UNC13C: variants seen among roughly 807,000 people sequenced by gnomAD.
UNC13C encodes unc-13 homolog C.
In UNC13C, 174 loss-of-function variants were observed where a neutral mutation model predicts 245.4. The observed-to-expected ratio is 0.71, with a 90% CI of 0.63 to 0.80. UNC13C has a LOEUF of 0.80. Ranked by LOEUF, UNC13C falls within the 30% of genes least tolerant of loss-of-function variation. UNC13C has a pLI of 0.00. For synonymous variants in UNC13C, 992 were observed against 895.1 expected, an observed-to-expected ratio of 1.11 and a Z score of -1.93; for missense variants, 2,829 against 2,602.9, an observed-to-expected ratio of 1.09 and a Z score of -1.89.
At chr15:54,138,978 T>TTTTTTTTTTTTTTTTTTTTTTC (rs1555422093) in intron 2 of UNC13C, among the ~76,000 whole-genome samples, 1 of 141,156 alleles carries the variant, frequency 7.1e-6, no homozygotes, top group Non-Finnish European at 1.5e-5. Context: ...TTTTTTTTTT[T>TTTTTTTTTTTTTTTTTTTTTTC]GAGACGGAGT....
chr15:54,175,371 A>G (rs907755510), intron 4 of UNC13C, among the ~76,000 whole-genome samples: 7 of 152,208 alleles, frequency 4.6e-5, no homozygotes, highest in Non-Finnish European at 1.0e-4. Context: ...ATCTGTCTCC[A>G]GTAGCACCAC....
the UNC13C span, among the ~76,000 whole-genome samples, chr15:53,961,013 T>G: frequency 6.6e-6 from 1 of 152,238 alleles, no homozygotes; most frequent in South Asian, 2.1e-4. Flanking sequence ...TGTGTATGTG[T>G]GTATTCCTGC....
Position 54,555,422 on chromosome 15 carries a change from T to C in UNC13C, c.5878-10T>C. 6.2e-7 allele frequency: 1 copy of C among 1,611,474 alleles called. No individual in the cohort carries two copies. The highest frequency in any genetic ancestry group is 8.5e-7 in the Non-Finnish European group (1 of 1,178,328). Reference sequence around the variant, plus strand: ...GTTGTTTTATAAGCAATTCTTCACCTGTTTTCCAGGAGCACATGATTCGAG... The same window carrying C: ...GTTGTTTTATAAGCAATTCTTCACCCGTTTTCCAGGAGCACATGATTCGAG... On this transcript the variant is annotated splice_polypyrimidine_tract_variant and intron_variant, in intron 28 of 32. Transcript: ENST00000260323.
chr15:54,060,781 T>C (rs1368380148), intron 2 of UNC13C, among the ~76,000 whole-genome samples: 2 of 152,146 alleles, frequency 1.3e-5, no homozygotes, highest in African/African-American at 4.8e-5. Flanking sequence ...TGGAATACTA[T>C]GCAGCCATAA....
At chr15:54,300,073 A>G (rs185319669) in intron 12 of UNC13C, 137 bp from the exon 13 acceptor site, 63 of 757,170 alleles carry the variant, frequency 8.3e-5, no homozygotes, top group Middle Eastern at 3.1e-4. Flanking sequence ...AAAATTCAAG[A>G]TATTCCTATT....
intron 24 of UNC13C, among the ~76,000 whole-genome samples, chr15:54,525,179 T>G (rs763266342): frequency 2.6e-5 from 4 of 152,166 alleles, no homozygotes; most frequent in Admixed American, 6.5e-5. Context: ...TTAAATAAAT[T>G]TTGAAGCAAC....
At chr15:54,446,310 T>C (rs1567278896) in intron 19 of UNC13C, among the ~76,000 whole-genome samples, 1 of 152,146 alleles carries the variant, frequency 6.6e-6, no homozygotes, top group South Asian at 2.1e-4. Context: ...TTTAAAGTAA[T>C]TTTTTTCCAA....
intron 1 of UNC13C, among the ~76,000 whole-genome samples, chr15:53,996,650 C>T (rs1904110): frequency 6.6e-6 from 1 of 151,862 alleles, no homozygotes; most frequent in African/African-American, 2.4e-5. Flanking sequence ...CATAGCCAAC[C>T]GTGTTTCAGA....
chr15:54,576,556 C>G (rs1313754996), intron 30 of UNC13C, among the ~76,000 whole-genome samples: 2 of 152,164 alleles, frequency 1.3e-5, no homozygotes, highest in Non-Finnish European at 2.9e-5. Flanking sequence ...GCCAGGACAC[C>G]TTTTAAGTAA....
At chr15:54,129,667 T>A (rs1287565891) in intron 2 of UNC13C, among the ~76,000 whole-genome samples, 1 of 151,692 alleles carries the variant, frequency 6.6e-6, no homozygotes, top group Non-Finnish European at 1.5e-5. Context: ...TCCATTTCCT[T>A]AAGTTTGACC....
At chr15:54,167,088 A>T (rs72746101) in intron 4 of UNC13C, among the ~76,000 whole-genome samples, 6,872 of 152,304 alleles carry the variant, frequency 0.045, 189 homozygotes, top group Middle Eastern at 0.099. Flanking sequence ...TATATTATAA[A>T]GCTACAATAA....
chr15:54,321,881 T>G (rs2038169140), intron 13 of UNC13C, 58 bp from the exon 14 acceptor site: 7 of 1,480,728 alleles, frequency 4.7e-6, no homozygotes, highest in Non-Finnish European at 6.4e-6. Flanking sequence ...GAAGCTCTGT[T>G]GTTGTATGAA....
the UNC13C span, among the ~76,000 whole-genome samples, chr15:53,937,744 A>C: frequency 1.3e-5 from 2 of 151,944 alleles, no homozygotes; most frequent in African/African-American, 2.4e-5. Flanking sequence ...ATTCTTAGGG[A>C]AGAGAATTTC....
chr15:54,393,291 A>G (rs2040001838), intron 18 of UNC13C, 110 bp downstream of exon 18: 2 of 970,362 alleles, frequency 2.1e-6, no homozygotes, highest in Middle Eastern at 2.5e-4. Flanking sequence ...TCCATAATTA[A>G]GCTATAGAAA....
the UNC13C span, among the ~76,000 whole-genome samples, chr15:53,890,488 T>C: frequency 1.3e-5 from 2 of 152,212 alleles, no homozygotes; most frequent in African/African-American, 4.8e-5. Context: ...TGAATCCATC[T>C]GGTCCTGGAC....
the UNC13C span, among the ~76,000 whole-genome samples, chr15:53,863,822 C>T: frequency 5.3e-5 from 8 of 152,142 alleles, no homozygotes; most frequent in Admixed American, 6.6e-5. Context: ...TTTCCAGCAT[C>T]GACTTCTCTT....
chr15:54,315,155 A>C (rs1348536372), intron 13 of UNC13C, among the ~76,000 whole-genome samples: 1 of 151,734 alleles, frequency 6.6e-6, no homozygotes, highest in African/African-American at 2.4e-5. Context: ...AGGTAACTTC[A>C]TGTAGTTCAC....
At chr15:54,316,796 G>A (rs915693768) in intron 13 of UNC13C, among the ~76,000 whole-genome samples, 5 of 151,722 alleles carry the variant, frequency 3.3e-5, no homozygotes, top group African/African-American at 7.3e-5. Context: ...GATTCAATTC[G>A]GCCTTTGGAG....
chr15:54,454,595 C>A (rs1891372091), intron 19 of UNC13C, among the ~76,000 whole-genome samples: 1 of 151,502 alleles, frequency 6.6e-6, no homozygotes, highest in African/African-American at 2.4e-5. Flanking sequence ...ACAATAACTC[C>A]CCATGCCCTT....
Sources: allele counts gnomAD v4.1 joint callset (sites outside exome capture counted in the v4.1 genomes callset), GRCh38; gene constraint gnomAD v4.1.1; transcripts MANE v1.5; gene names NCBI Gene and HGNC (gene_info 2026-07-23, HGNC 2026-07-21).